ZNF407: variants seen among roughly 807,000 people sequenced by gnomAD.
ZNF407 encodes zinc finger protein 407.
In ZNF407, 17 loss-of-function variants were observed where a neutral mutation model predicts 131.2. The ratio of observed to expected loss-of-function variants is 0.13; its 90% confidence interval spans 0.09 to 0.19. The LOEUF (loss-of-function observed/expected upper bound fraction) is 0.19. Ranked by LOEUF, ZNF407 falls within the 10% of genes least tolerant of loss-of-function variation. The pLI, the probability that ZNF407 is intolerant of heterozygous loss-of-function variation, is 1.00. For missense variants in ZNF407, 2,681 were observed against 2,830.6 expected (o/e 0.95, Z 1.20); for synonymous variants, 1,156 against 1,062.0 (o/e 1.09, Z -1.72).
chr18:74,617,223 G>GTCATTTAA (rs1983356931), intron 1 of ZNF407, among the ~76,000 whole-genome samples: 1 of 136,938 alleles, frequency 7.3e-6, no homozygotes, highest in Non-Finnish European at 1.6e-5. Context: ...ACCACTGAGA[G>GTCATTTAA]TCATTTAAAT....
At chr18:75,029,333 G>A (rs1036613173) in intron 8 of ZNF407, among the ~76,000 whole-genome samples, 1 of 152,198 alleles carries the variant, frequency 6.6e-6, no homozygotes, top group Non-Finnish European at 1.5e-5. Flanking sequence ...ATATAGCCTG[G>A]TTAACCTCTT....
rs190957019 is a variant in ZNF407 at position 74,978,194 on chromosome 18, G to T, written c.5428+57502G>T. Among the ~76,000 whole-genome samples, 439 of 152,284 alleles carry T rather than the reference G, an allele frequency of 2.9e-3. 4 individuals are homozygous for T. Among genetic ancestry groups the T allele is most frequent in the African/African-American group, 0.01 (419 of 41,568 alleles). On this transcript the variant is annotated intron_variant, in intron 8 of 8. Coordinates refer to ENST00000299687, the MANE Select transcript of ZNF407 (RefSeq NM_017757.3). ...TGGTGAAACAGGGGTATGGAATAAT[G>T]TGACCAAAGATTTGGATGCGAGAAA...
chr18:74,838,091 A>T (rs1970583189), intron 4 of ZNF407, among the ~76,000 whole-genome samples: 1 of 152,124 alleles, frequency 6.6e-6, no homozygotes, highest in African/African-American at 2.4e-5. Flanking sequence ...TTACTTTCGT[A>T]TTTGTTGTAT....
intron 1 of ZNF407, among the ~76,000 whole-genome samples, chr18:74,616,449 G>C (rs1370824341): frequency 6.6e-6 from 1 of 151,914 alleles, no homozygotes; most frequent in Non-Finnish European, 1.5e-5. Flanking sequence ...TTTTTATGGA[G>C]GTTTATATTC....
chr18:75,056,024 C>T (rs959012362), intron 8 of ZNF407, among the ~76,000 whole-genome samples: 4 of 152,266 alleles, frequency 2.6e-5, no homozygotes, highest in South Asian at 2.1e-4. Flanking sequence ...CGGGGCATGG[C>T]GAAGACTTTA....
rs957352113 is a variant in ZNF407 at position 74,631,086 on chromosome 18, T to C, written c.67T>C (p.Leu23=). 5.0e-6 allele frequency: 8 copies of C among 1,613,456 alleles called. No individual in the cohort carries two copies. In the African/African-American group the frequency reaches 9.3e-5, roughly 19 times the overall value. The change falls in exon 2 of 9, where the codon TTG becomes CTG. Residue 23 remains leucine, a synonymous_variant. Transcript: ENST00000299687. The part of the protein sequence containing the change: ...DEKINKEAQD[L]TKLSSHNEDG... ...AAAGATAAACAAAGAAGCACAAGACTTGACAAAGCTTTCATCCCATAATGA... is the reference window on the plus strand; with the variant it reads ...AAAGATAAACAAAGAAGCACAAGACCTGACAAAGCTTTCATCCCATAATGA...
At chr18:74,750,897 T>C (rs1197959512) in intron 3 of ZNF407, among the ~76,000 whole-genome samples, 1 of 152,220 alleles carries the variant, frequency 6.6e-6, no homozygotes, top group African/African-American at 2.4e-5. Context: ...AAGTGATATA[T>C]CATTGACGTT....
chr18:74,797,592 A>G (rs1599161111), intron 4 of ZNF407, among the ~76,000 whole-genome samples: 1 of 152,264 alleles, frequency 6.6e-6, no homozygotes, highest in East Asian at 1.9e-4. Flanking sequence ...TCTGGGTCAT[A>G]TCAACACGTT....
chr18:75,042,289 A>G (rs1418484215), intron 8 of ZNF407, among the ~76,000 whole-genome samples: 4 of 152,296 alleles, frequency 2.6e-5, no homozygotes, highest in Non-Finnish European at 1.5e-5. Flanking sequence ...ATTATACTTC[A>G]GAAGATTATA....
chr18:74,731,762 A>C (rs1387207564), intron 3 of ZNF407, among the ~76,000 whole-genome samples: 3 of 152,142 alleles, frequency 2.0e-5, no homozygotes, highest in Non-Finnish European at 4.4e-5. Flanking sequence ...TCCAGGATGC[A>C]GAAGGATCCC....
intron 8 of ZNF407, among the ~76,000 whole-genome samples, chr18:74,988,029 CA>C (rs1972673428): frequency 6.6e-6 from 1 of 152,142 alleles, no homozygotes; most frequent in Non-Finnish European, 1.5e-5. Flanking sequence ...GGAAGACATG[CA>C]TACTGGATTC....
At chr18:74,804,493 T>G in intron 4 of ZNF407, 1 of 987,722 alleles carries the variant, frequency 1.0e-6, no homozygotes, top group South Asian at 4.7e-5. Flanking sequence ...TTGTACCCTT[T>G]TGGGAAAATT....
intron 1 of ZNF407, among the ~76,000 whole-genome samples, chr18:74,601,553 A>G (rs1462983259): frequency 6.6e-6 from 1 of 152,188 alleles, no homozygotes; most frequent in Admixed American, 6.5e-5. Context: ...CTCTACAGGA[A>G]GTGTGGCACT....
Position 75,057,584 on chromosome 18 carries a change from G to A in ZNF407, c.5429-5566G>A, listed in dbSNP as rs1001633906. ...TTTTACAGCCAGCACGTGTGCGGCCGAGGAGCCCAAGCCTGTGTCCTACAG... is the reference window on the plus strand; with the variant it reads ...TTTTACAGCCAGCACGTGTGCGGCCAAGGAGCCCAAGCCTGTGTCCTACAG... On this transcript the variant is annotated intron_variant, in intron 8 of 8. Transcript: ENST00000299687. Among the ~76,000 whole-genome samples, 8 of 152,170 alleles carry A rather than the reference G, an allele frequency of 5.3e-5. No individual in the cohort carries two copies. In the South Asian group the frequency reaches 1.4e-3, roughly 28 times the overall value.
At chr18:74,607,475 TG>T (rs11293236) in intron 1 of ZNF407, among the ~76,000 whole-genome samples, 22,892 of 148,020 alleles carry the variant, frequency 0.15, 2,033 homozygotes, top group African/African-American at 0.24. Flanking sequence ...AGTGATTAGA[TG>T]GGGGAAAAAA....
rs62089929 is a variant in ZNF407 at position 75,002,003 on chromosome 18, C to G, written c.5429-61147C>G. On this transcript the variant is annotated intron_variant, in intron 8 of 8. Coordinates refer to ENST00000299687, the MANE Select transcript of ZNF407 (RefSeq NM_017757.3). ...AGCCCCCATACCAGAGTCACCCAGTCCAGAATGTCCAGGAGCCAGGGTCCA... is the reference window on the plus strand; with the variant it reads ...AGCCCCCATACCAGAGTCACCCAGTGCAGAATGTCCAGGAGCCAGGGTCCA... Among the ~76,000 whole-genome samples, 471 of 152,258 alleles carry G rather than the reference C, an allele frequency of 3.1e-3. 5 individuals are homozygous for G. Among genetic ancestry groups the G allele is most frequent in the Non-Finnish European group, 5.2e-3 (357 of 68,020 alleles).
chr18:74,629,106 A>G (rs1251333750), intron 1 of ZNF407, among the ~76,000 whole-genome samples: 1 of 152,208 alleles, frequency 6.6e-6, no homozygotes. Flanking sequence ...TGCTAGCACC[A>G]TGTTTAATTG....
chr18:75,057,221 G>T (rs2122280510), intron 8 of ZNF407, among the ~76,000 whole-genome samples: 1 of 152,268 alleles, frequency 6.6e-6, no homozygotes, highest in African/African-American at 2.4e-5. Context: ...GAGAAGCTTA[G>T]AAATTTAAAA....
At chr18:74,734,307 T>G (rs1340224093) in intron 3 of ZNF407, among the ~76,000 whole-genome samples, 3 of 152,172 alleles carry the variant, frequency 2.0e-5, no homozygotes, top group African/African-American at 7.2e-5. Context: ...ATTGCACAAT[T>G]GTGTAAGCAC....
Sources: allele counts gnomAD v4.1 joint callset (sites outside exome capture counted in the v4.1 genomes callset), GRCh38; gene constraint gnomAD v4.1.1; transcripts MANE v1.5; gene names NCBI Gene and HGNC (gene_info 2026-07-23, HGNC 2026-07-21).